The following UBE3C variants were observed in gnomAD, a reference collection of about 807,000 sequenced individuals.
UBE3C encodes ubiquitin protein ligase E3C.
A neutral mutation model predicts 129.4 loss-of-function variants in UBE3C; 42 were observed. The observed-to-expected ratio is 0.32, with a 90% CI of 0.25 to 0.42. The LOEUF (loss-of-function observed/expected upper bound fraction) is 0.42. Ranked by LOEUF, UBE3C falls within the 10% of genes least tolerant of loss-of-function variation. The pLI, the probability that UBE3C is intolerant of heterozygous loss-of-function variation, is 1.00. For missense variants in UBE3C, 1,049 were observed against 1,319.1 expected, an observed-to-expected ratio of 0.80 and a Z score of 3.17; for synonymous variants, 510 against 492.4, an observed-to-expected ratio of 1.04 and a Z score of -0.47.
chr7:157,182,474 C>T (rs1808692444), intron 8 of UBE3C, 146 bp downstream of exon 8: 1 of 764,708 alleles, frequency 1.3e-6, no homozygotes, highest in South Asian at 1.9e-5. Context: ...GTGGTCTGGG[C>T]AGTGTGTTCC....
At chr7:157,266,602 C>T (rs932533991) in intron 22 of UBE3C, among the ~76,000 whole-genome samples, 1 of 152,112 alleles carries the variant, frequency 6.6e-6, no homozygotes, top group Non-Finnish European at 1.5e-5. Context: ...CTAAAACAGC[C>T]GTGTTCTAAT....
chr7:157,168,742 A>T (rs555936419), intron 2 of UBE3C, among the ~76,000 whole-genome samples: 1 of 152,340 alleles, frequency 6.6e-6, no homozygotes, highest in African/African-American at 2.4e-5. Flanking sequence ...GAATAAGCAC[A>T]TCCATAAGAT....
At chr7:157,229,481 A>AT (rs957550619) in intron 17 of UBE3C, among the ~76,000 whole-genome samples, 17 of 150,694 alleles carry the variant, frequency 1.1e-4, no homozygotes, top group Admixed American at 1.3e-4. Flanking sequence ...CGCCCGGCTA[A>AT]TTTTTTTTTG....
intron 2 of UBE3C, among the ~76,000 whole-genome samples, chr7:157,166,353 A>T (rs1376417624): frequency 6.6e-6 from 1 of 151,884 alleles, no homozygotes; most frequent in South Asian, 2.1e-4. Context: ...AAAAATACTT[A>T]CTCTTTGGTA....
chr7:157,181,625 C>G lies in UBE3C; in HGVS notation c.724C>G (p.Leu242Val), dbSNP rs1332959919. 5 of 1,613,628 alleles carry G rather than the reference C, an allele frequency of 3.1e-6. No individual in the cohort carries two copies. The African/African-American group carries it at 5.3e-5, about 17-fold the overall frequency. The change falls in exon 7 of 23, where the codon CTA becomes GTA. Residue 242 changes from leucine (L) to valine (V), a missense_variant. This residue lies in a region of UBE3C where 489 missense variants were observed against 513.8 expected (regional missense o/e 0.95). Coordinates refer to ENST00000348165, the MANE Select transcript of UBE3C (RefSeq NM_014671.3). The stretch of plus-strand genomic sequence containing the variant: ...AGCAAAAATTTTGCTAGAGAATGTT[C>G]TAAAACCATTGCACTTTACTTACAA... ...PIAKILLENV[L>V]KPLHFTYNSC...
intron 9 of UBE3C, among the ~76,000 whole-genome samples, chr7:157,186,011 C>T (rs1420240872): frequency 1.3e-5 from 2 of 151,990 alleles, no homozygotes; most frequent in African/African-American, 2.4e-5. Context: ...AAGTATATAT[C>T]TTTGGTTACT....
chr7:157,191,726 TAAA>T (rs1808973464), intron 10 of UBE3C, among the ~76,000 whole-genome samples: 1 of 152,212 alleles, frequency 6.6e-6, no homozygotes, highest in African/African-American at 2.4e-5. Flanking sequence ...TAATTTGGGA[TAAA>T]ATGATTACAC....
chr7:157,222,446 G>T (rs1241322474), intron 15 of UBE3C: 1 of 151,004 alleles, frequency 6.6e-6, no homozygotes, highest in Non-Finnish European at 1.5e-5. Flanking sequence ...TTGAGGCAGG[G>T]TCTCAGTGTG....
At chr7:157,142,850 T>C (rs573142786) in intron 1 of UBE3C, among the ~76,000 whole-genome samples, 3 of 146,514 alleles carry the variant, frequency 2.0e-5, no homozygotes, top group Admixed American at 1.3e-4. Context: ...AAAATAAAAG[T>C]TGAATTTTTT....
chr7:157,187,957 C>T (rs1447460847), intron 10 of UBE3C, among the ~76,000 whole-genome samples: 1 of 152,116 alleles, frequency 6.6e-6, no homozygotes, highest in African/African-American at 2.4e-5. Context: ...TTGAAATAAA[C>T]TTTTGGTTCA....
chr7:157,226,248 T>A (rs1795875137), intron 17 of UBE3C, among the ~76,000 whole-genome samples: 1 of 152,192 alleles, frequency 6.6e-6, no homozygotes, highest in African/African-American at 2.4e-5. Context: ...CCAAGTTTCT[T>A]ATGAAAAGAT....
chr7:157,164,147 T>C (rs1396731056), intron 2 of UBE3C, among the ~76,000 whole-genome samples: 1 of 151,898 alleles, frequency 6.6e-6, no homozygotes, highest in African/African-American at 2.4e-5. Flanking sequence ...AAATATAATG[T>C]TCATATTTCT....
chr7:157,237,395 T>C (rs1183474850), intron 18 of UBE3C, among the ~76,000 whole-genome samples: 1 of 151,936 alleles, frequency 6.6e-6, no homozygotes. Flanking sequence ...GAGCCGAGAT[T>C]GCGCCACTGC....
chr7:157,224,526 ATATCT>A (rs1244049750), intron 16 of UBE3C, among the ~76,000 whole-genome samples: 7 of 152,120 alleles, frequency 4.6e-5, no homozygotes, highest in Non-Finnish European at 8.8e-5. Flanking sequence ...AAATGGACAA[ATATCT>A]TAATTCCTTG....
intron 13 of UBE3C, among the ~76,000 whole-genome samples, chr7:157,210,635 G>A (rs1298854618): frequency 6.6e-6 from 1 of 152,210 alleles, no homozygotes; most frequent in Non-Finnish European, 1.5e-5. Flanking sequence ...AATACAAATT[G>A]TATCAGCATT....
At chr7:157,256,794 A>T in intron 21 of UBE3C, 120 bp from the exon 22 acceptor site, 1 of 1,346,380 alleles carries the variant, frequency 7.4e-7, no homozygotes, top group Non-Finnish European at 1.0e-6. Context: ...ACGCCGTTTT[A>T]GAGAAGGGAC....
At chr7:157,149,866 C>T (rs1468085493) in intron 1 of UBE3C, among the ~76,000 whole-genome samples, 1 of 152,166 alleles carries the variant, frequency 6.6e-6, no homozygotes, top group African/African-American at 2.4e-5. Flanking sequence ...CTGTTTTTTA[C>T]TGCCTTTAAA....
chr7:157,178,658 TA>T, intron 5 of UBE3C, 31 bp from the exon 6 acceptor site: 1 of 1,601,238 alleles, frequency 6.2e-7, no homozygotes, highest in Non-Finnish European at 8.5e-7. Flanking sequence ...TGCCATCCTG[TA>T]AGTGTGTGAA....
At chr7:157,177,329 A>G (rs1214329263) in intron 5 of UBE3C, among the ~76,000 whole-genome samples, 1 of 152,076 alleles carries the variant, frequency 6.6e-6, no homozygotes, top group African/African-American at 2.4e-5. Flanking sequence ...CTTTTACTTC[A>G]TTTTTTAAGG....
Sources: gnomAD v4.1 joint callset for allele counts (sites outside exome capture counted in the v4.1 genomes callset) on GRCh38, gnomAD v4.1.1 for gene constraint, gnomAD v4.1.1 regional missense constraint, MANE v1.5 for transcripts, NCBI Gene and HGNC (gene_info 2026-07-23, HGNC 2026-07-21) for gene names.